The following AP1G1 variants were observed in gnomAD, a reference collection of about 807,000 sequenced individuals.
AP1G1 encodes adaptor related protein complex 1 subunit gamma 1.
AP1G1 carries 7 observed loss-of-function variants against 108.3 expected under a neutral mutation model. The ratio of observed to expected loss-of-function variants is 0.06; its 90% confidence interval spans 0.04 to 0.12. AP1G1 has a LOEUF of 0.12. Ranked by LOEUF, AP1G1 falls within the 10% of genes least tolerant of loss-of-function variation. The probability of loss-of-function intolerance (pLI) is 1.00; values close to 1 mark genes in which losing one functional copy is unlikely to be tolerated. For missense variants in AP1G1, 756 were observed against 1,010.7 expected, an observed-to-expected ratio of 0.75 and a Z score of 3.42; for synonymous variants, 379 against 353.5, an observed-to-expected ratio of 1.07 and a Z score of -0.81.
intron 6 of AP1G1, 195 bp downstream of exon 6, chr16:71,769,427 GA>G: frequency 3.5e-6 from 2 of 568,082 alleles, no homozygotes; most frequent in Non-Finnish European, 6.4e-6. Context: ...TTATGAAAGG[GA>G]AAACACAATA....
Position 71,730,665 on chromosome 16 carries a change from A to C in AP1G1, c.*2393T>G, listed in dbSNP as rs1327282028. 1 of 152,702 alleles carries C rather than the reference A, an allele frequency of 6.5e-6. No individual in the cohort carries two copies. The highest frequency in any genetic ancestry group is 1.5e-5 in the Non-Finnish European group (1 of 68,060). 9.5% of individuals were successfully genotyped at this position (152,702 alleles called of 1,614,324 possible). A position where few individuals can be genotyped will look rare whatever the true frequency, so the allele number is the denominator to read the frequency against. The stretch of plus-strand genomic sequence containing the variant: ...GATCCAATCATTTGAAACAGTCTTC[A>C]CAACCATCAGTATCCTAGGCAGTTA... On this transcript the variant is annotated 3_prime_UTR_variant, in exon 23 of 23. Coordinates refer to ENST00000299980, the MANE Select transcript of AP1G1 (RefSeq NM_001128.6).
intron 15 of AP1G1, among the ~76,000 whole-genome samples, chr16:71,749,300 G>A (rs1349214981): frequency 2.0e-5 from 3 of 151,746 alleles, no homozygotes; most frequent in South Asian, 4.1e-4. Flanking sequence ...TGGGCAACAC[G>A]GTGAAACCCT....
chr16:71,783,935 CTACT>C (rs1265162864), intron 2 of AP1G1, among the ~76,000 whole-genome samples: 1 of 152,176 alleles, frequency 6.6e-6, no homozygotes, highest in Non-Finnish European at 1.5e-5. Flanking sequence ...TGCAATCTAC[CTACT>C]TATCTTTAGA....
intron 3 of AP1G1, chr16:71,774,224 A>G (rs1254187244): frequency 2.4e-6 from 1 of 408,200 alleles, no homozygotes. Flanking sequence ...CTAAAAATAC[A>G]AAAATTAGCC....
intron 6 of AP1G1, among the ~76,000 whole-genome samples, chr16:71,768,959 T>C (rs1352920588): frequency 2.5e-4 from 14 of 56,394 alleles, no homozygotes; most frequent in Non-Finnish European, 3.5e-4. Context: ...AAGAAATTCC[T>C]GCCTTTAAAA....
At chr16:71,744,791 G>T (rs1172940139) in intron 19 of AP1G1, among the ~76,000 whole-genome samples, 1 of 152,010 alleles carries the variant, frequency 6.6e-6, no homozygotes, top group African/African-American at 2.4e-5. Context: ...GGCCAGGCTG[G>T]TCTAGAACTC....
intron 6 of AP1G1, chr16:71,766,551 G>A: frequency 2.7e-6 from 1 of 376,928 alleles, no homozygotes; most frequent in South Asian, 2.0e-5. Context: ...CAACTCTAAT[G>A]ACCAAAAATT....
At chr16:71,792,320 G>T (rs1289308737) in intron 1 of AP1G1, among the ~76,000 whole-genome samples, 1 of 152,116 alleles carries the variant, frequency 6.6e-6, no homozygotes, top group Non-Finnish European at 1.5e-5. Context: ...TTCTAAACTG[G>T]TAAAATCAGA....
chr16:71,786,007 G>T (rs1185259833), intron 2 of AP1G1, among the ~76,000 whole-genome samples: 1 of 152,048 alleles, frequency 6.6e-6, no homozygotes, highest in African/African-American at 2.4e-5. Flanking sequence ...CCAACGGATG[G>T]GGTACCAAAT....
rs191359167 is a variant in AP1G1, at chr16:71,758,734, G to A, written c.1088+74C>T. ...TGAAAACAAAGTATCACATGGCAGCGGCATAGAGCTATCAATAATCTGTCA... is the reference window on the plus strand; with the variant it reads ...TGAAAACAAAGTATCACATGGCAGCAGCATAGAGCTATCAATAATCTGTCA... On this transcript the variant is annotated intron_variant, in intron 11 of 22. Transcript: ENST00000299980. 61 of 817,432 alleles carry A rather than the reference G, an allele frequency of 7.5e-5. No individual in the cohort carries two copies. The East Asian group carries it at 7.6e-4, about 10-fold the overall frequency. 50.6% of individuals were successfully genotyped at this position (817,432 alleles called of 1,614,324 possible).
chr16:71,808,706 G>A, intron 1 of AP1G1, 57 bp downstream of exon 1: 1 of 1,285,436 alleles, frequency 7.8e-7, no homozygotes, highest in Non-Finnish European at 1.0e-6. Context: ...TCGAGCGCCC[G>A]CGGCAGCGGC....
chr16:71,746,898 ATT>A, intron 16 of AP1G1: 1 of 404,370 alleles, frequency 2.5e-6, no homozygotes, highest in Non-Finnish European at 4.5e-6. Context: ...GTAACACTAG[ATT>A]TTTGTCTGTT....
Position 71,769,703 on chromosome 16 carries a change from A to G in AP1G1, c.566-4T>C. On this transcript the variant is annotated splice_region_variant and splice_polypyrimidine_tract_variant and intron_variant, in intron 5 of 22. Transcript: ENST00000299980. ...ACTACAGATGTGTGGAGGACACCTG[A>G]AAGAAAAGATCAAAGGAAAACTAAA... 1 of 1,611,770 alleles carries G rather than the reference A, an allele frequency of 6.2e-7. No individual in the cohort carries two copies. Among genetic ancestry groups the G allele is most frequent in the Non-Finnish European group, 8.5e-7 (1 of 1,178,234 alleles).
At position 71,807,775 on chromosome 16, in the gene AP1G1, G is replaced by C. The variant is rs1468904987; in HGVS notation, c.-4+988C>G. 4 of 1,281,932 alleles carry C rather than the reference G, an allele frequency of 3.1e-6. No individual in the cohort carries two copies. In the African/African-American group the frequency reaches 6.1e-5, roughly 20 times the overall value. 79.4% of individuals were successfully genotyped at this position (1,281,932 alleles called of 1,614,324 possible). On this transcript the variant is annotated intron_variant, in intron 1 of 22. Coordinates refer to ENST00000299980, the MANE Select transcript of AP1G1 (RefSeq NM_001128.6). ...CCTTCTGTTAACTAATCACTGTAAA[G>C]CAGCCCAACTCTCCTTTCTACCTAC...
At chr16:71,750,156 C>T in intron 14 of AP1G1, 54 bp downstream of exon 14, 2 of 1,595,512 alleles carry the variant, frequency 1.3e-6, no homozygotes, top group Admixed American at 1.7e-5. Context: ...GAAAAACATA[C>T]CAGAAAAATT....
chr16:71,777,147 G>T (rs890284244), intron 2 of AP1G1, among the ~76,000 whole-genome samples: 1 of 146,066 alleles, frequency 6.8e-6, no homozygotes, highest in Non-Finnish European at 1.5e-5. Flanking sequence ...ATACCAAAAA[G>T]GGAGGGGAGG....
At chr16:71,754,258 AAAAG>A (rs1444536775) in intron 12 of AP1G1, among the ~76,000 whole-genome samples, 73 of 151,414 alleles carry the variant, frequency 4.8e-4, no homozygotes, top group Non-Finnish European at 1.0e-4. Context: ...GAGAAGAAAG[AAAAG>A]AAAGAAGGAA....
chr16:71,806,012 T>C (rs3848389), intron 1 of AP1G1, among the ~76,000 whole-genome samples: 51,688 of 148,444 alleles, frequency 0.35, 9,605 homozygotes, highest in East Asian at 0.77. Context: ...TGAGACCCTG[T>C]CTCAAACAAT....
chr16:71,797,016 TTA>T (rs57137990), intron 1 of AP1G1, among the ~76,000 whole-genome samples: 49,913 of 145,502 alleles, frequency 0.34, 9,087 homozygotes, highest in East Asian at 0.76. Flanking sequence ...AAAAAAAAAA[TTA>T]TATATATATA....
Sources: gnomAD v4.1 joint callset for allele counts (sites outside exome capture counted in the v4.1 genomes callset) on GRCh38, gnomAD v4.1.1 for gene constraint, MANE v1.5 for transcripts, NCBI Gene and HGNC (gene_info 2026-07-23, HGNC 2026-07-21) for gene names.